The following ERBB4 variants were observed in gnomAD, a reference collection of about 807,000 sequenced individuals.
ERBB4 encodes receptor tyrosine-protein kinase erbB-4.
A neutral mutation model predicts 158.0 loss-of-function variants in ERBB4; 42 were observed. The observed-to-expected ratio is 0.27, with a 90% CI of 0.21 to 0.34. The LOEUF (loss-of-function observed/expected upper bound fraction) is 0.34, where lower values mean the gene tolerates loss of function less well. Among genes scored for constraint, ERBB4 ranks in the 10% least tolerant of loss-of-function variants. The pLI is 1.00. For missense variants in ERBB4, 1,333 were observed against 1,624.1 expected (o/e 0.82, Z 3.08); for synonymous variants, 583 against 558.7 (o/e 1.04, Z -0.61).
chr2:212,431,306 T>TAAAAA lies in ERBB4; in HGVS notation c.82+107138_82+107142dup, dbSNP rs35419362. On this transcript the variant is annotated intron_variant, in intron 1 of 27. Transcript: ENST00000342788. The stretch of plus-strand genomic sequence containing the variant: ...ACTCCATCCTTCCAACTGCTCATAT[T>TAAAAA]AAAAAAAAAAAAAAAAAAAAAAAAC... Among the ~76,000 whole-genome samples the TAAAAA allele has an allele frequency of 3.1e-3, 273 of 86,858 alleles. 3 individuals are homozygous for TAAAAA. The highest frequency in any genetic ancestry group is 0.014 in the Middle Eastern group (2 of 148). 57.0% of individuals were successfully genotyped at this position (86,858 alleles called of 152,430 possible). A position where few individuals can be genotyped will look rare whatever the true frequency, so the allele number is the denominator to read the frequency against.
chr2:212,236,070 T>A (rs971542362), intron 1 of ERBB4, among the ~76,000 whole-genome samples: 5 of 152,184 alleles, frequency 3.3e-5, no homozygotes, highest in African/African-American at 9.7e-5. Context: ...TTCTTCCAGC[T>A]TTTGCCCATT....
chr2:211,609,585 C>A (rs2069116158), intron 19 of ERBB4, among the ~76,000 whole-genome samples: 1 of 152,132 alleles, frequency 6.6e-6, no homozygotes, highest in Non-Finnish European at 1.5e-5. Context: ...CTCTGTCACC[C>A]AGGCTAGAAT....
intron 1 of ERBB4, among the ~76,000 whole-genome samples, chr2:212,520,208 C>T (rs973323131): frequency 2.6e-5 from 4 of 151,856 alleles, no homozygotes; most frequent in Admixed American, 1.3e-4. Flanking sequence ...AATAATACAA[C>T]GGATGGAGGA....
chr2:211,757,079 T>G (rs1354215069), intron 4 of ERBB4, among the ~76,000 whole-genome samples: 1 of 152,236 alleles, frequency 6.6e-6, no homozygotes, highest in Non-Finnish European at 1.5e-5. Context: ...TTAATGGCAT[T>G]ACCATGATGT....
chr2:211,393,598 G>GATAAT, intron 25 of ERBB4, among the ~76,000 whole-genome samples: 1 of 152,080 alleles, frequency 6.6e-6, no homozygotes, highest in Non-Finnish European at 1.5e-5. Context: ...AATGACTTAA[G>GATAAT]GAGGCATCTG....
At chr2:212,511,916 C>T (rs1370600616) in intron 1 of ERBB4, among the ~76,000 whole-genome samples, 1 of 152,122 alleles carries the variant, frequency 6.6e-6, no homozygotes, top group Non-Finnish European at 1.5e-5. Flanking sequence ...GCTGCCAGTT[C>T]CAGGTGTCAT....
Position 212,173,022 on chromosome 2 carries a change from T to A in ERBB4, c.83-48119A>T, listed in dbSNP as rs753729415. Among the ~76,000 whole-genome samples the A allele has an allele frequency of 2.0e-5, 3 of 152,158 alleles. No homozygotes were observed. In the East Asian group the frequency reaches 5.8e-4, roughly 29 times the overall value. On this transcript the variant is annotated intron_variant, in intron 1 of 27. Transcript: ENST00000342788. ...CAATGAAAGTCAATGTATATTATTA[T>A]GTGGGAAATATCCAGTTGCAGAATC...
rs146231517 is a variant in ERBB4 at position 212,026,048 on chromosome 2, T to C, written c.235-78432A>G. Among the ~76,000 whole-genome samples, 19 of 151,740 alleles carry C rather than the reference T, an allele frequency of 1.3e-4. No individual in the cohort carries two copies. The East Asian group carries it at 3.3e-3, about 26-fold the overall frequency. ...AATAAATAATAGATGCGTAAATGCT[T>C]TGAAACTATATATCTCTATGCAGAT... On this transcript the variant is annotated intron_variant, in intron 2 of 27. Transcript: ENST00000342788.
At chr2:212,357,041 A>G (rs1351204565) in intron 1 of ERBB4, among the ~76,000 whole-genome samples, 1 of 151,868 alleles carries the variant, frequency 6.6e-6, no homozygotes, top group Non-Finnish European at 1.5e-5. Flanking sequence ...ATGTAAATAA[A>G]ATCATAAGAT....
chr2:211,630,437 T>C (rs775873412), intron 17 of ERBB4, 25 bp downstream of exon 17: 5 of 1,612,468 alleles, frequency 3.1e-6, no homozygotes, highest in East Asian at 4.5e-5. Context: ...CCCAAACACA[T>C]GAAGAGGAGA....
At chr2:212,274,049 A>G (rs901137735) in intron 1 of ERBB4, among the ~76,000 whole-genome samples, 1 of 151,820 alleles carries the variant, frequency 6.6e-6, no homozygotes, top group African/African-American at 2.4e-5. Flanking sequence ...TACATGTGTT[A>G]CATACTATAT....
chr2:211,386,985 G>T lies in ERBB4; in HGVS notation c.3349C>A (p.Pro1117Thr). The part of the protein sequence containing the change: ...CNGTLRKPVA[P>T]HVQEDSSTQR... ...GTGCTACTGTCCTCTTGGACATGGG[G>T]TGCCACTGGCTTGCGTAGGGTGCCA... Residue 1117 changes from proline (P) to threonine (T), a missense_variant, in exon 27 of 28, where the codon CCC (proline) becomes ACC (threonine). By Grantham distance (38) the Pro-to-Thr change is conservative. Around this residue, in one of 5 missense-constraint regions of ERBB4, gnomAD observed 252 missense variants for 241.3 expected, o/e 1.04. Transcript: ENST00000342788. 6.2e-7 allele frequency: 1 copy of T among 1,614,100 alleles called. No homozygotes were observed. Among genetic ancestry groups the T allele is most frequent in the Non-Finnish European group, 8.5e-7 (1 of 1,180,018 alleles).
At chr2:211,858,044 G>T (rs181242896) in intron 3 of ERBB4, among the ~76,000 whole-genome samples, 1 of 152,114 alleles carries the variant, frequency 6.6e-6, no homozygotes, top group Non-Finnish European at 1.5e-5. Flanking sequence ...TATGTTTCTC[G>T]ATGTAACACA....
chr2:212,043,783 T>C (rs187554095), intron 2 of ERBB4, among the ~76,000 whole-genome samples: 8 of 152,220 alleles, frequency 5.3e-5, no homozygotes, highest in African/African-American at 1.9e-4. Context: ...GAACAAGTTA[T>C]TTAATCTTCC....
At chr2:211,771,489 C>G (rs1366418110) in intron 4 of ERBB4, among the ~76,000 whole-genome samples, 1 of 152,132 alleles carries the variant, frequency 6.6e-6, no homozygotes, top group Non-Finnish European at 1.5e-5. Flanking sequence ...GACCACTTTT[C>G]TAAACCTTTT....
chr2:211,901,466 C>T (rs2079233995), intron 3 of ERBB4, among the ~76,000 whole-genome samples: 1 of 152,080 alleles, frequency 6.6e-6, no homozygotes. Flanking sequence ...ACGGAGATAA[C>T]CTGAAGGAGC....
chr2:212,053,813 G>A (rs887455803), intron 2 of ERBB4, among the ~76,000 whole-genome samples: 3 of 152,068 alleles, frequency 2.0e-5, no homozygotes, highest in African/African-American at 7.3e-5. Flanking sequence ...GCATATTCAG[G>A]TTTCTATTAT....
chr2:211,721,498 A>C (rs2074092935), intron 7 of ERBB4, among the ~76,000 whole-genome samples: 1 of 145,194 alleles, frequency 6.9e-6, no homozygotes, highest in Non-Finnish European at 1.5e-5. Flanking sequence ...TATTATCCTG[A>C]ATACCTGATG....
At chr2:211,917,956 A>T (rs986408827) in intron 3 of ERBB4, among the ~76,000 whole-genome samples, 15 of 152,170 alleles carry the variant, frequency 9.9e-5, no homozygotes, top group African/African-American at 3.6e-4. Context: ...GGAACCATGT[A>T]AAAAGGAAAA....
Sources: allele counts gnomAD v4.1 joint callset (sites outside exome capture counted in the v4.1 genomes callset), GRCh38; gene constraint gnomAD v4.1.1; regional missense constraint gnomAD v4.1.1; transcripts MANE v1.5; gene names NCBI Gene and HGNC (gene_info 2026-07-23, HGNC 2026-07-21).